The following LRMDA variants were observed in gnomAD, a reference collection of about 807,000 sequenced individuals.
LRMDA encodes the protein leucine-rich melanocyte differentiation-associated protein.
Under a neutral mutation model 29.8 loss-of-function variants are expected in LRMDA, and 18 were observed. The ratio of observed to expected loss-of-function variants is 0.60; its 90% CI spans 0.42 to 0.90. LRMDA has a LOEUF of 0.90. Among genes scored for constraint, LRMDA ranks in the 40% least tolerant of loss-of-function variants. The pLI is 0.00. For missense variants in LRMDA, 273 were observed against 273.9 expected (o/e 1.00, Z 0.02); for synonymous variants, 125 against 109.4 (o/e 1.14, Z -0.89).
rs560870778 is a variant in LRMDA at position 76,432,374 on chromosome 10, C to A, written c.601+107889C>A. Among the ~76,000 whole-genome samples, 32 of 152,238 alleles carry A rather than the reference C, an allele frequency of 2.1e-4. No individual in the cohort carries two copies. The South Asian group carries it at 6.7e-3, about 32-fold the overall frequency. On this transcript the variant is annotated intron_variant, in intron 6 of 6. Coordinates refer to ENST00000611255, the MANE Select transcript of LRMDA (RefSeq NM_001305581.2). ...TCTAACACGGTGCAAATCCCCAAAC[C>A]TTCCCTACAATTTCTCTGTCTCCCA...
intron 6 of LRMDA, among the ~76,000 whole-genome samples, chr10:76,381,197 GTTACTA>G (rs1278671559): frequency 2.0e-4 from 31 of 151,858 alleles, no homozygotes; most frequent in African/African-American, 7.5e-4. Flanking sequence ...TGTAAAAGGA[GTTACTA>G]TTACATTATC....
chr10:76,099,443 G>A (rs1468972917), intron 5 of LRMDA, among the ~76,000 whole-genome samples: 1 of 148,876 alleles, frequency 6.7e-6, no homozygotes. Flanking sequence ...TAATTTATTT[G>A]TTCTTTTGGC....
At chr10:76,363,380 C>CTTTA (rs888756501) in intron 6 of LRMDA, among the ~76,000 whole-genome samples, 38 of 152,082 alleles carry the variant, frequency 2.5e-4, no homozygotes, top group Middle Eastern at 6.8e-3. Flanking sequence ...GTAAAACTGT[C>CTTTA]TTTATTTGCA....
chr10:75,956,291 T>G (rs1332584924), intron 2 of LRMDA, among the ~76,000 whole-genome samples: 1 of 152,330 alleles, frequency 6.6e-6, no homozygotes, highest in East Asian at 1.9e-4. Context: ...AGGGTTTTGT[T>G]TTGTTTAGCA....
chr10:75,750,797 T>A (rs1210013323), intron 2 of LRMDA, among the ~76,000 whole-genome samples: 1 of 143,418 alleles, frequency 7.0e-6, no homozygotes, highest in Non-Finnish European at 1.5e-5. Flanking sequence ...CCAGACAGGG[T>A]GGCAGCCGGG....
intron 2 of LRMDA, among the ~76,000 whole-genome samples, chr10:75,581,082 A>G (rs1269363132): frequency 2.0e-5 from 3 of 152,216 alleles, no homozygotes; most frequent in African/African-American, 7.2e-5. Flanking sequence ...ATCTAATTAA[A>G]CTAAAGAGCA....
At chr10:75,664,613 A>G (rs1267312144) in intron 2 of LRMDA, among the ~76,000 whole-genome samples, 1 of 152,316 alleles carries the variant, frequency 6.6e-6, no homozygotes, top group South Asian at 2.1e-4. Context: ...AGGGAAGTCT[A>G]CATGAAAAGG....
intron 2 of LRMDA, among the ~76,000 whole-genome samples, chr10:75,687,136 G>C (rs1394942201): frequency 6.6e-6 from 1 of 152,102 alleles, no homozygotes; most frequent in Non-Finnish European, 1.5e-5. Context: ...CCTGCAATTG[G>C]CTCTAAGTGT....
rs549527338 is a variant in LRMDA at position 75,532,420 on chromosome 10, T to A, written c.131+93926T>A. ...AGTCCCCAGATGTAATTTTTGGGCC[T>A]GGGTGTTAACACATTGAAGGCAGAG... On this transcript the variant is annotated intron_variant, in intron 2 of 6. Coordinates refer to ENST00000611255, the MANE Select transcript of LRMDA (RefSeq NM_001305581.2). Among the ~76,000 whole-genome samples the A allele has an allele frequency of 2.3e-3, 348 of 152,272 alleles. 2 individuals are homozygous for A. Among genetic ancestry groups the A allele is most frequent in the Non-Finnish European group, 3.7e-3 (254 of 68,014 alleles).
intron 2 of LRMDA, among the ~76,000 whole-genome samples, chr10:75,486,598 C>A (rs1342865955): frequency 1.3e-5 from 2 of 151,756 alleles, no homozygotes; most frequent in Non-Finnish European, 2.9e-5. Context: ...TCTTGAAGAG[C>A]AAGTAGATGT....
chr10:76,455,784 G>T (rs1274283750), intron 6 of LRMDA, among the ~76,000 whole-genome samples: 1 of 152,158 alleles, frequency 6.6e-6, no homozygotes, highest in Non-Finnish European at 1.5e-5. Context: ...AAGGGCAAGT[G>T]TTATCTTCTG....
At chr10:76,365,969 T>C (rs1424780127) in intron 6 of LRMDA, among the ~76,000 whole-genome samples, 1 of 152,222 alleles carries the variant, frequency 6.6e-6, no homozygotes, top group African/African-American at 2.4e-5. Context: ...GGCTAGCCAG[T>C]TATCCCAGCA....
chr10:75,637,519 T>C (rs535083372), intron 2 of LRMDA, among the ~76,000 whole-genome samples: 7 of 152,250 alleles, frequency 4.6e-5, no homozygotes, highest in African/African-American at 1.7e-4. Context: ...GACTAATCTC[T>C]TACTGGCTGT....
chr10:75,444,871 C>G (rs2132026589), intron 2 of LRMDA, among the ~76,000 whole-genome samples: 1 of 152,194 alleles, frequency 6.6e-6, no homozygotes, highest in South Asian at 2.1e-4. Flanking sequence ...AAAAATGATG[C>G]CATTGTTTAC....
intron 6 of LRMDA, among the ~76,000 whole-genome samples, chr10:76,342,284 CA>C (rs1012349506): frequency 6.6e-6 from 1 of 150,678 alleles, no homozygotes; most frequent in African/African-American, 2.4e-5. Flanking sequence ...TAAAAACAAA[CA>C]AAAAAAAGAT....
intron 2 of LRMDA, among the ~76,000 whole-genome samples, chr10:75,596,593 C>T (rs903983713): frequency 6.6e-6 from 1 of 151,742 alleles, no homozygotes; most frequent in Non-Finnish European, 1.5e-5. Flanking sequence ...TTATGGGGTA[C>T]ATAGTGATGT....
chr10:75,984,340 C>G (rs1589277008), intron 2 of LRMDA, among the ~76,000 whole-genome samples: 2 of 152,310 alleles, frequency 1.3e-5, no homozygotes, highest in East Asian at 3.9e-4. Flanking sequence ...CAGGCCTACG[C>G]AGAGCTTCCC....
chr10:75,824,447 A>G (rs899882288), intron 2 of LRMDA, among the ~76,000 whole-genome samples: 1 of 152,218 alleles, frequency 6.6e-6, no homozygotes, highest in African/African-American at 2.4e-5. Flanking sequence ...AACAGAGACT[A>G]TATAGCTCGC....
chr10:76,533,948 A>C (rs1031869194), intron 6 of LRMDA, among the ~76,000 whole-genome samples: 1 of 152,222 alleles, frequency 6.6e-6, no homozygotes, highest in South Asian at 2.1e-4. Context: ...GACTGTAGAC[A>C]GATCAGACTT....
Sources: allele counts gnomAD v4.1 joint callset (sites outside exome capture counted in the v4.1 genomes callset), GRCh38; gene constraint gnomAD v4.1.1; transcripts MANE v1.5; gene names NCBI Gene and HGNC (gene_info 2026-07-23, HGNC 2026-07-21).